The following PLXDC1 variants were observed in gnomAD, a reference collection of about 807,000 sequenced individuals.
The protein encoded by PLXDC1 is plexin domain-containing protein 1.
Under a neutral mutation model 61.3 loss-of-function variants are expected in PLXDC1, and 39 were observed. The ratio of observed to expected loss-of-function variants is 0.64; its 90% confidence interval spans 0.49 to 0.83. PLXDC1 has a LOEUF of 0.83. Among genes scored for constraint, PLXDC1 ranks in the 40% least tolerant of loss-of-function variants. The probability of loss-of-function intolerance (pLI) is 0.00; values close to 1 mark genes in which losing one functional copy is unlikely to be tolerated. For missense variants in PLXDC1, 596 were observed against 666.5 expected (o/e 0.89, Z 1.17); for synonymous variants, 212 against 254.5 (o/e 0.83, Z 1.59).
intron 1 of PLXDC1, among the ~76,000 whole-genome samples, chr17:39,146,824 C>A (rs1414137659): frequency 6.7e-6 from 1 of 150,264 alleles, no homozygotes; most frequent in East Asian, 2.0e-4. Context: ...CCACTGCACT[C>A]CAGCCTGAAC....
At chr17:39,101,633 G>A (rs769928241) in intron 7 of PLXDC1, among the ~76,000 whole-genome samples, 8 of 152,140 alleles carry the variant, frequency 5.3e-5, no homozygotes, top group Non-Finnish European at 8.8e-5. Flanking sequence ...CTTATTTGCC[G>A]CTTAGCAGTG....
chr17:39,134,880 AGAGCCCCAGCCCC>A (rs1441994380), intron 2 of PLXDC1, among the ~76,000 whole-genome samples: 1 of 151,840 alleles, frequency 6.6e-6, no homozygotes, highest in East Asian at 2.0e-4. Context: ...CAGGACCCCC[AGAGCCCCAGCCCC>A]AGTCCCCAGG....
At chr17:39,083,951 G>T (rs1431407255) in intron 8 of PLXDC1, among the ~76,000 whole-genome samples, 1 of 152,088 alleles carries the variant, frequency 6.6e-6, no homozygotes, top group Non-Finnish European at 1.5e-5. Context: ...TAGAAGGTCA[G>T]GCCCTAAACT....
chr17:39,113,400 T>A (rs1910872510), intron 2 of PLXDC1, among the ~76,000 whole-genome samples: 1 of 152,248 alleles, frequency 6.6e-6, no homozygotes, highest in African/African-American at 2.4e-5. Context: ...CACAGGTGTG[T>A]GTTACTGTGG....
At position 39,067,815 on chromosome 17, in the gene PLXDC1, T is replaced by C. The variant is rs750817558; in HGVS notation, c.*25A>G. The C allele has an allele frequency of 6.3e-7, 1 of 1,594,718 alleles. No homozygotes were observed. The highest frequency in any genetic ancestry group is 2.2e-5 in the East Asian group (1 of 44,478). ...AACTGTCTTTTCTGTGGCCTCAAAG[T>C]CTTCAAAGGGGAGACTTGGTGTTCT... is the stretch of plus-strand genomic sequence containing the variant. On this transcript the variant is annotated 3_prime_UTR_variant, in exon 14 of 14. Transcript: ENST00000315392.
At chr17:39,143,552 C>A (rs962180429) in intron 1 of PLXDC1, among the ~76,000 whole-genome samples, 1 of 152,266 alleles carries the variant, frequency 6.6e-6, no homozygotes, top group African/African-American at 2.4e-5. Flanking sequence ...CATAGGGTAG[C>A]TCCTGGGAGC....
chr17:39,151,807 T>C (rs559643425), upstream of PLXDC1, among the ~76,000 whole-genome samples: 2 of 152,018 alleles, frequency 1.3e-5, no homozygotes, highest in South Asian at 2.1e-4. The surrounding 1 kb of genome is among the most constrained non-coding windows in gnomAD (Gnocchi z 5.2). Context: ...GGGTGCAGAG[T>C]AGGGGACAGG....
chr17:39,077,346 A>C (rs1909379141), intron 11 of PLXDC1, among the ~76,000 whole-genome samples: 1 of 152,144 alleles, frequency 6.6e-6, no homozygotes, highest in African/African-American at 2.4e-5. Context: ...GGCAGCTTCA[A>C]CCAAGACCCC....
intron 8 of PLXDC1, among the ~76,000 whole-genome samples, chr17:39,085,615 T>C (rs999974833): frequency 6.6e-6 from 1 of 151,978 alleles, no homozygotes; most frequent in East Asian, 1.9e-4. Flanking sequence ...CTTCCTCAGC[T>C]CTCACTCCCA....
At chr17:39,096,560 A>C (rs1910209718) in intron 7 of PLXDC1, among the ~76,000 whole-genome samples, 1 of 152,136 alleles carries the variant, frequency 6.6e-6, no homozygotes, top group Non-Finnish European at 1.5e-5. Flanking sequence ...AGGTACACAC[A>C]GCTCAGGCCC....
At position 39,151,002 on chromosome 17, in the gene PLXDC1, T is replaced by A. The variant is rs2051003916; in HGVS notation, c.76+360A>T. ...GGCTGGGGCAGGGGCCTCCCCAGGC[T>A]CCCATCTCATCAGAATTCAGCCTTG... is the stretch of plus-strand genomic sequence containing the variant. On this transcript the variant is annotated intron_variant, in intron 1 of 13. Transcript: ENST00000315392. The surrounding 1 kb of genome is among the most constrained non-coding windows in gnomAD (Gnocchi z 5.2). 1.3e-5 allele frequency among the ~76,000 whole-genome samples: 2 copies of A among 151,908 alleles called. No individual in the cohort carries two copies. Among genetic ancestry groups the A allele is most frequent in the Non-Finnish European group, 2.9e-5 (2 of 67,958 alleles).
chr17:39,105,882 C>A lies in PLXDC1; in HGVS notation c.783G>T (p.Met261Ile). 8 of 1,613,798 alleles carry A rather than the reference C, an allele frequency of 5.0e-6. No individual in the cohort carries two copies. Among genetic ancestry groups the A allele is most frequent in the Non-Finnish European group, 6.8e-6 (8 of 1,179,728 alleles). Residue 261 changes from methionine (M) to isoleucine (I), a missense_variant, in exon 7 of 14, where the codon ATG (methionine) becomes ATT (isoleucine). Physicochemically the swap from Met to Ile is conservative, Grantham distance 10 (BLOSUM62 1). Coordinates refer to ENST00000315392, the MANE Select transcript of PLXDC1 (RefSeq NM_020405.5). ...GCACATCCGGGGATGGATTGAGAAT[C>A]ATGAAGGCATCCGATAGGCCGGTTT... is the stretch of plus-strand genomic sequence containing the variant. ...PVKTGLSDAF[M>I]ILNPSPDVPE...
chr17:39,108,315 C>A, intron 4 of PLXDC1, 70 bp from the exon 5 acceptor site: 3 of 1,550,986 alleles, frequency 1.9e-6, no homozygotes, highest in Non-Finnish European at 8.9e-7. Flanking sequence ...GCCTTTTCCC[C>A]AAGGGCAAGA....
chr17:39,072,335 C>A, intron 12 of PLXDC1, 115 bp downstream of exon 12: 1 of 753,992 alleles, frequency 1.3e-6, no homozygotes, highest in Non-Finnish European at 2.4e-6. Flanking sequence ...GCTCAGGCTG[C>A]CGTTGCTCCC....
chr17:39,091,309 C>T (rs139375190), intron 7 of PLXDC1, among the ~76,000 whole-genome samples: 52 of 130,456 alleles, frequency 4.0e-4, no homozygotes, highest in Non-Finnish European at 7.6e-4. Context: ...TCCATCTCCC[C>T]GCAACACACA....
At chr17:39,077,755 T>A in intron 11 of PLXDC1, among the ~76,000 whole-genome samples, 158 bp downstream of exon 11, 1 of 152,188 alleles carries the variant, frequency 6.6e-6, no homozygotes, top group Middle Eastern at 3.2e-3. Context: ...GCAAGTGACC[T>A]AAACTGTCTG....
At chr17:39,083,687 C>A in intron 8 of PLXDC1, 147 bp from the exon 9 acceptor site, 1 of 661,564 alleles carries the variant, frequency 1.5e-6, no homozygotes, top group Non-Finnish European at 2.7e-6. Context: ...CTCCCTTGGT[C>A]CAGTCTAGCC....
chr17:39,105,751 C>T, intron 7 of PLXDC1, 103 bp downstream of exon 7: 3 of 689,406 alleles, frequency 4.4e-6, no homozygotes, highest in Non-Finnish European at 2.6e-6. Flanking sequence ...AACTCTCTGC[C>T]CCTTGTCTAC....
chr17:39,070,140 C>T, intron 12 of PLXDC1, 124 bp from the exon 13 acceptor site: 1 of 641,472 alleles, frequency 1.6e-6, no homozygotes, highest in South Asian at 2.3e-5. Flanking sequence ...TCCACTTATC[C>T]AATACAGGAA....
Sources: gnomAD v4.1 joint callset for allele counts (sites outside exome capture counted in the v4.1 genomes callset) on GRCh38, gnomAD v4.1.1 for gene constraint, Gnocchi (gnomAD v3.1) non-coding constraint, MANE v1.5 for transcripts, NCBI Gene and HGNC (gene_info 2026-07-23, HGNC 2026-07-21) for gene names.